Variants in CDH18 observed in about 807,000 individuals in gnomAD.
CDH18 encodes the protein cadherin 18, also known as cadherin-18.
In CDH18, 31 loss-of-function variants were observed where a neutral mutation model predicts 67.9. The ratio of observed to expected loss-of-function variants is 0.46; its 90% CI spans 0.34 to 0.62. CDH18 has a LOEUF of 0.62. Ranked by LOEUF, CDH18 falls within the 20% of genes least tolerant of loss-of-function variation. CDH18 has a pLI of 0.01. For missense variants in CDH18, 890 were observed against 975.5 expected (o/e 0.91, Z 1.17); for synonymous variants, 362 against 347.2 (o/e 1.04, Z -0.48).
intron 6 of CDH18, among the ~76,000 whole-genome samples, chr5:19,602,697 C>T (rs1158700743): frequency 6.6e-6 from 1 of 152,054 alleles, no homozygotes. Context: ...GGCGTGGTGG[C>T]TCATGCCTGT....
At chr5:20,143,062 T>C (rs986866096) in intron 2 of CDH18, among the ~76,000 whole-genome samples, 5 of 152,136 alleles carry the variant, frequency 3.3e-5, no homozygotes, top group Non-Finnish European at 5.9e-5. Flanking sequence ...TACATTGCAT[T>C]GAAGAGACTG....
chr5:19,542,887 C>A (rs185488329), intron 9 of CDH18, among the ~76,000 whole-genome samples: 2 of 151,776 alleles, frequency 1.3e-5, no homozygotes, highest in East Asian at 3.9e-4. Context: ...GAGTTATACA[C>A]GTTAAAAGGG....
intron 2 of CDH18, among the ~76,000 whole-genome samples, chr5:19,853,492 TG>T (rs1783936479): frequency 6.6e-6 from 1 of 152,158 alleles, no homozygotes; most frequent in Non-Finnish European, 1.5e-5. Context: ...CTAAGTTACA[TG>T]TAAGGGCTTC....
At chr5:19,484,659 C>A (rs935460022) in intron 11 of CDH18, among the ~76,000 whole-genome samples, 1 of 152,214 alleles carries the variant, frequency 6.6e-6, no homozygotes, top group African/African-American at 2.4e-5. Context: ...GGCCATCCCC[C>A]TTCCTGCACT....
At chr5:20,347,562 A>G (rs1479639882) in intron 1 of CDH18, among the ~76,000 whole-genome samples, 1 of 152,226 alleles carries the variant, frequency 6.6e-6, no homozygotes, top group African/African-American at 2.4e-5. Flanking sequence ...AAAGGGAAGA[A>G]ATGTGGTTAA....
chr5:20,422,611 A>G (rs1747950430), intron 1 of CDH18, among the ~76,000 whole-genome samples: 1 of 151,160 alleles, frequency 6.6e-6, no homozygotes, highest in Non-Finnish European at 1.5e-5. Context: ...AACAATAAAA[A>G]TATTGTTTCT....
chr5:20,102,926 A>C (rs956601397), intron 2 of CDH18, among the ~76,000 whole-genome samples: 3 of 152,240 alleles, frequency 2.0e-5, no homozygotes, highest in African/African-American at 7.2e-5. Context: ...AAACCTAATA[A>C]GTTTTTTAGT....
intron 3 of CDH18, among the ~76,000 whole-genome samples, chr5:19,784,074 T>C (rs1775432780): frequency 6.6e-6 from 1 of 152,176 alleles, no homozygotes; most frequent in Non-Finnish European, 1.5e-5. Flanking sequence ...CCATAATTCA[T>C]TTAATACATT....
chr5:19,808,548 G>C (rs1429781048), intron 3 of CDH18, among the ~76,000 whole-genome samples: 1 of 152,058 alleles, frequency 6.6e-6, no homozygotes, highest in Non-Finnish European at 1.5e-5. Flanking sequence ...GTCTAAGCCT[G>C]GATGCGGTGG....
chr5:20,492,857 A>C (rs1753672009), intron 1 of CDH18, among the ~76,000 whole-genome samples: 1 of 152,140 alleles, frequency 6.6e-6, no homozygotes, highest in Non-Finnish European at 1.5e-5. Flanking sequence ...GAATCGCTGC[A>C]CTCATTGCTT....
intron 1 of CDH18, among the ~76,000 whole-genome samples, chr5:20,408,616 C>A (rs961565233): frequency 6.6e-6 from 1 of 151,426 alleles, no homozygotes; most frequent in Non-Finnish European, 1.5e-5. Flanking sequence ...GAAATGAAAG[C>A]ATATTAATAC....
At chr5:19,609,265 T>C (rs750057446) in intron 6 of CDH18, among the ~76,000 whole-genome samples, 1 of 151,956 alleles carries the variant, frequency 6.6e-6, no homozygotes, top group African/African-American at 2.4e-5. Flanking sequence ...ATTTGTTTTC[T>C]TTCACTATGA....
chr5:19,613,634 T>G (rs542934598), intron 5 of CDH18, among the ~76,000 whole-genome samples: 1 of 152,336 alleles, frequency 6.6e-6, no homozygotes, highest in Admixed American at 6.5e-5. Flanking sequence ...AATACCCATC[T>G]GTGATTACGC....
chr5:20,365,475 T>C (rs1000782318), intron 1 of CDH18, among the ~76,000 whole-genome samples: 1 of 152,190 alleles, frequency 6.6e-6, no homozygotes. Context: ...TACTTCAATA[T>C]ATTTAGACAC....
At position 20,242,618 on chromosome 5, in the gene CDH18, A is replaced by ATACATATATACATG. The variant is rs1561905936; in HGVS notation, c.-518+12825_-518+12826insCATGTATATATGTA. 1.9e-4 allele frequency among the ~76,000 whole-genome samples: 24 copies of ATACATATATACATG among 124,098 alleles called. No homozygotes were observed. The South Asian group carries it at 2.0e-3, about 10-fold the overall frequency. The allele number at this position is 124,098 out of a possible 152,430, so 81.4% of individuals were successfully genotyped here. A position where few individuals can be genotyped will look rare whatever the true frequency, so the allele number is the denominator to read the frequency against. On this transcript the variant is annotated intron_variant, in intron 2 of 14. Coordinates refer to the CDH18 transcript ENST00000507958. ...AGGGAAAAAAAAAAAAAAAATATAT[A>ATACATATATACATG]TATATATATATATATGTATATATAT...
intron 1 of CDH18, among the ~76,000 whole-genome samples, chr5:20,313,347 G>A (rs192389698): frequency 6.6e-6 from 1 of 152,104 alleles, no homozygotes; most frequent in East Asian, 1.9e-4. Flanking sequence ...TGCCAGAACT[G>A]GGATAGAGAC....
At chr5:19,492,531 C>T (rs1741633942) in intron 11 of CDH18, among the ~76,000 whole-genome samples, 1 of 152,044 alleles carries the variant, frequency 6.6e-6, no homozygotes, top group Non-Finnish European at 1.5e-5. Context: ...GACATCACAA[C>T]TTAAAGTAAG....
At chr5:20,326,679 C>G (rs1287586011) in intron 1 of CDH18, among the ~76,000 whole-genome samples, 1 of 151,914 alleles carries the variant, frequency 6.6e-6, no homozygotes, top group East Asian at 1.9e-4. Context: ...GCTGGCACTA[C>G]AGGTGCCCGC....
chr5:19,561,650 T>C (rs986742222), intron 8 of CDH18, among the ~76,000 whole-genome samples: 3 of 152,150 alleles, frequency 2.0e-5, no homozygotes, highest in Non-Finnish European at 1.5e-5. Flanking sequence ...CAAAAACCTA[T>C]TGAATTTTTT....
Sources: gnomAD v4.1 joint callset for allele counts (sites outside exome capture counted in the v4.1 genomes callset) on GRCh38, gnomAD v4.1.1 for gene constraint, MANE v1.5 for transcripts, NCBI Gene and HGNC (gene_info 2026-07-23, HGNC 2026-07-21) for gene names.